Variants in SMARCC1 observed in about 807,000 individuals in gnomAD.
SMARCC1 encodes the protein SWI/SNF complex subunit SMARCC1.
A neutral mutation model predicts 147.4 loss-of-function variants in SMARCC1; 43 were observed. The observed-to-expected ratio is 0.29, with a 90% CI of 0.23 to 0.38. The LOEUF is 0.38. Ranked by LOEUF, SMARCC1 falls within the 10% of genes least tolerant of loss-of-function variation. The pLI is 1.00. For synonymous variants in SMARCC1, 495 were observed against 484.4 expected, an observed-to-expected ratio of 1.02 and a Z score of -0.29; for missense variants, 1,119 against 1,381.1, an observed-to-expected ratio of 0.81 and a Z score of 3.01.
At chr3:47,771,495 C>A (rs1022479649) in intron 2 of SMARCC1, among the ~76,000 whole-genome samples, 10 of 152,180 alleles carry the variant, frequency 6.6e-5, no homozygotes, top group Non-Finnish European at 1.0e-4. Flanking sequence ...CACTTGTAAT[C>A]CCAGTGCTCT....
chr3:47,654,760 C>A (rs1054170010), intron 21 of SMARCC1, among the ~76,000 whole-genome samples: 1 of 152,110 alleles, frequency 6.6e-6, no homozygotes, highest in African/African-American at 2.4e-5. Context: ...CACTCTGAGG[C>A]GAATGAATCC....
At chr3:47,722,293 ATTT>A (rs34260316) in intron 6 of SMARCC1, among the ~76,000 whole-genome samples, 2 of 107,076 alleles carry the variant, frequency 1.9e-5, no homozygotes, top group Non-Finnish European at 3.6e-5. Context: ...ACAAATTTTG[ATTT>A]TTTTTTTTTT....
chr3:47,731,293 C>G (rs2034371628), intron 5 of SMARCC1, among the ~76,000 whole-genome samples: 1 of 152,220 alleles, frequency 6.6e-6, no homozygotes, highest in African/African-American at 2.4e-5. Context: ...CGCGGCAATT[C>G]AGTCACATGT....
chr3:47,652,563 A>C (rs923173854), intron 21 of SMARCC1, among the ~76,000 whole-genome samples: 4 of 151,696 alleles, frequency 2.6e-5, no homozygotes, highest in African/African-American at 9.7e-5. Flanking sequence ...ATTTAGGTTA[A>C]ATTTCTGGTT....
chr3:47,588,206 A>C lies in SMARCC1; in HGVS notation c.*3T>G. The C allele has an allele frequency of 6.2e-7, 1 of 1,611,014 alleles. No homozygotes were observed. The highest frequency in any genetic ancestry group is 1.3e-5 in the African/African-American group (1 of 74,908). ...GGCGTGGAGGTTCCCTGCATCTTCC[A>C]GGCTAAGGAGCAGCTGAGGCTGGCG... On this transcript the variant is annotated 3_prime_UTR_variant, in exon 28 of 28. Coordinates refer to ENST00000254480, the MANE Select transcript of SMARCC1 (RefSeq NM_003074.4).
At chr3:47,665,677 T>C (rs958547998) in intron 19 of SMARCC1, among the ~76,000 whole-genome samples, 4 of 152,042 alleles carry the variant, frequency 2.6e-5, no homozygotes, top group African/African-American at 9.7e-5. Context: ...AGAGGCAAAT[T>C]AAAGTGATGT....
At chr3:47,777,575 T>C (rs1281615052) in intron 1 of SMARCC1, among the ~76,000 whole-genome samples, 1 of 152,032 alleles carries the variant, frequency 6.6e-6, no homozygotes, top group Non-Finnish European at 1.5e-5. Context: ...TAGCCTAGGC[T>C]GGAGTGCAAT....
intron 10 of SMARCC1, among the ~76,000 whole-genome samples, chr3:47,705,691 G>A (rs920410681): frequency 1.3e-5 from 2 of 152,270 alleles, no homozygotes; most frequent in African/African-American, 4.8e-5. Flanking sequence ...AAAGTTGACT[G>A]TCACATGAAA....
chr3:47,733,105 C>CA (rs545411977), intron 5 of SMARCC1, among the ~76,000 whole-genome samples: 32 of 148,846 alleles, frequency 2.1e-4, no homozygotes, highest in Middle Eastern at 3.4e-3. Context: ...GACTTCATCT[C>CA]AAAAAAAAAC....
At chr3:47,680,361 G>T in intron 15 of SMARCC1, 76 bp downstream of exon 15, 1 of 944,284 alleles carries the variant, frequency 1.1e-6, no homozygotes, top group Non-Finnish European at 1.7e-6. Flanking sequence ...TCAGCAATAA[G>T]GAACTCAGGT....
At chr3:47,679,628 G>A (rs1038297164) in intron 15 of SMARCC1, among the ~76,000 whole-genome samples, 11 of 152,118 alleles carry the variant, frequency 7.2e-5, no homozygotes, top group Non-Finnish European at 7.3e-5. Context: ...TTGAGAGGCC[G>A]AGGCAAGTGG....
intron 26 of SMARCC1, among the ~76,000 whole-genome samples, chr3:47,595,014 T>C (rs2032248478): frequency 6.6e-6 from 1 of 152,130 alleles, no homozygotes; most frequent in Admixed American, 6.5e-5. Flanking sequence ...GAAGCACCGT[T>C]TGCAACATTT....
intron 2 of SMARCC1, among the ~76,000 whole-genome samples, chr3:47,751,270 T>C (rs1481721981): frequency 6.6e-6 from 1 of 151,884 alleles, no homozygotes; most frequent in Non-Finnish European, 1.5e-5. Context: ...TGGCCAGGCG[T>C]GGTGGTTCAT....
At chr3:47,752,053 C>T (rs149277534) in intron 2 of SMARCC1, among the ~76,000 whole-genome samples, 138 of 152,262 alleles carry the variant, frequency 9.1e-4, no homozygotes, top group African/African-American at 3.2e-3. Flanking sequence ...CACTGTACTC[C>T]AGCCTGAGTG....
chr3:47,600,165 T>G (rs994233322), intron 26 of SMARCC1, among the ~76,000 whole-genome samples: 4 of 152,210 alleles, frequency 2.6e-5, no homozygotes, highest in Non-Finnish European at 5.9e-5. Context: ...GGGATACAGG[T>G]GTTCTGAGTA....
At chr3:47,680,995 T>C (rs1291639538) in intron 14 of SMARCC1, among the ~76,000 whole-genome samples, 1 of 152,242 alleles carries the variant, frequency 6.6e-6, no homozygotes, top group African/African-American at 2.4e-5. Context: ...AAGCTTTCTC[T>C]TTCTCACTCC....
At position 47,642,303 on chromosome 3, in the gene SMARCC1, G is replaced by C. The variant is rs1230735210; in HGVS notation, c.2321-3523C>G. Among the ~76,000 whole-genome samples the C allele has an allele frequency of 1.3e-5, 2 of 152,094 alleles. 1 individual carries two copies. Among genetic ancestry groups the C allele is most frequent in the African/African-American group, 4.8e-5 (2 of 41,412 alleles). ...CCAATAAATATAAGAAAAGATACTA[G>C]GTTTTGCCCGGTGCAGTGGCTCGGA... On this transcript the variant is annotated intron_variant, in intron 21 of 27. Transcript: ENST00000254480.
intron 9 of SMARCC1, among the ~76,000 whole-genome samples, chr3:47,707,379 T>C (rs2034007308): frequency 6.7e-6 from 1 of 149,744 alleles, no homozygotes; most frequent in Non-Finnish European, 1.5e-5. Context: ...GATGATACAA[T>C]TTTATACATA....
chr3:47,672,721 C>G (rs997735198), intron 18 of SMARCC1, among the ~76,000 whole-genome samples: 1 of 152,184 alleles, frequency 6.6e-6, no homozygotes, highest in African/African-American at 2.4e-5. Flanking sequence ...CTCCACTTCT[C>G]AGCCACAAAG....
Sources: gnomAD v4.1 joint callset for allele counts (sites outside exome capture counted in the v4.1 genomes callset) on GRCh38, gnomAD v4.1.1 for gene constraint, MANE v1.5 for transcripts, NCBI Gene and HGNC (gene_info 2026-07-23, HGNC 2026-07-21) for gene names.